ESRRG: variants seen among roughly 807,000 people sequenced by gnomAD.
ESRRG encodes the protein estrogen-related receptor gamma.
A neutral mutation model predicts 44.0 loss-of-function variants in ESRRG; 13 were observed. The ratio of observed to expected loss-of-function variants is 0.30; its 90% CI spans 0.19 to 0.47. ESRRG has a LOEUF of 0.47. Ranked by LOEUF, ESRRG falls within the 20% of genes least tolerant of loss-of-function variation. The pLI, the probability that ESRRG is intolerant of heterozygous loss-of-function variation, is 1.00. For synonymous variants in ESRRG, 215 were observed against 214.6 expected (o/e 1.00, Z -0.02); for missense variants, 395 against 580.6 (o/e 0.68, Z 3.29).
intron 3 of ESRRG, among the ~76,000 whole-genome samples, chr1:216,615,924 G>T (rs986467722): frequency 6.6e-6 from 1 of 152,066 alleles, no homozygotes; most frequent in Non-Finnish European, 1.5e-5. Context: ...GACCTCAGGA[G>T]ATCTGCCCGC....
At chr1:216,953,026 C>A (rs1473013463) in intron 1 of ESRRG, among the ~76,000 whole-genome samples, 1 of 152,126 alleles carries the variant, frequency 6.6e-6, no homozygotes, top group Non-Finnish European at 1.5e-5. Flanking sequence ...CACACCAAAC[C>A]ACAGAGGCAC....
intron 2 of ESRRG, among the ~76,000 whole-genome samples, chr1:216,882,650 A>G (rs980071162): frequency 3.3e-5 from 5 of 152,202 alleles, no homozygotes; most frequent in African/African-American, 1.2e-4. Flanking sequence ...TTTCAACTGT[A>G]TTTGGAAATA....
At chr1:216,579,303 A>G (rs2062278948) in intron 3 of ESRRG, among the ~76,000 whole-genome samples, 1 of 152,158 alleles carries the variant, frequency 6.6e-6, no homozygotes, top group Non-Finnish European at 1.5e-5. Flanking sequence ...GATCCACTCC[A>G]GATTCACATT....
chr1:217,081,714 G>T (rs1237545060), intron 1 of ESRRG, among the ~76,000 whole-genome samples: 1 of 152,138 alleles, frequency 6.6e-6, no homozygotes, highest in African/African-American at 2.4e-5. Context: ...AAGTAGCTGG[G>T]ATTACAGGTG....
chr1:216,564,958 A>ATT (rs1217254622), intron 4 of ESRRG, among the ~76,000 whole-genome samples: 3 of 151,950 alleles, frequency 2.0e-5, no homozygotes, highest in African/African-American at 4.8e-5. Flanking sequence ...ATAGGAATTT[A>ATT]TTTTTTTCTC....
chr1:216,989,101 A>G (rs17044788), intron 1 of ESRRG, among the ~76,000 whole-genome samples: 38,779 of 151,972 alleles, frequency 0.26, 5,328 homozygotes, highest in African/African-American at 0.33. Flanking sequence ...TGAATATTCT[A>G]GAGTGGGTAA....
intron 1 of ESRRG, among the ~76,000 whole-genome samples, chr1:217,006,274 A>G (rs1298219992): frequency 2.0e-5 from 3 of 152,166 alleles, no homozygotes; most frequent in Admixed American, 2.0e-4. Flanking sequence ...TAGGTAATAT[A>G]AAGACCCATA....
In ESRRG at chr1:216,805,537, G is replaced by A. The variant is rs552880462; in HGVS notation, c.-13-128046C>T. Among the ~76,000 whole-genome samples the A allele has an allele frequency of 3.6e-4, 55 of 152,210 alleles. No homozygotes were observed. In the South Asian group the frequency reaches 6.6e-3, roughly 18 times the overall value. On this transcript the variant is annotated intron_variant, in intron 2 of 7. Coordinates refer to the ESRRG transcript ENST00000359162. ...GCGGGTCACAAGTGAAATTCCCTTC[G>A]TTGCCAATTGAGATTGACATGTGCT...
intron 5 of ESRRG, among the ~76,000 whole-genome samples, chr1:216,530,137 G>C (rs997984118): frequency 1.4e-5 from 2 of 141,700 alleles, no homozygotes; most frequent in African/African-American, 5.6e-5. Flanking sequence ...AAAAAAAGGG[G>C]GTGGGGGAAA....
At chr1:216,569,337 C>T (rs1020242824) in intron 3 of ESRRG, among the ~76,000 whole-genome samples, 7 of 151,772 alleles carry the variant, frequency 4.6e-5, no homozygotes, top group African/African-American at 1.7e-4. Context: ...GCTTGGATGT[C>T]GAAGGAAGTG....
At chr1:217,042,505 C>T (rs997462629) in intron 1 of ESRRG, among the ~76,000 whole-genome samples, 2 of 121,592 alleles carry the variant, frequency 1.6e-5, no homozygotes, top group Admixed American at 1.6e-4. Context: ...CACACACACA[C>T]ACACACACAC....
At chr1:216,765,721 G>A (rs2093040049) in intron 2 of ESRRG, among the ~76,000 whole-genome samples, 1 of 152,092 alleles carries the variant, frequency 6.6e-6, no homozygotes, top group African/African-American at 2.4e-5. Context: ...GGGATCTGGA[G>A]AGAGACAAGA....
intron 1 of ESRRG, among the ~76,000 whole-genome samples, chr1:216,700,353 T>C (rs950564940): frequency 3.3e-5 from 5 of 152,152 alleles, no homozygotes; most frequent in African/African-American, 1.2e-4. Flanking sequence ...CCGTGACAAA[T>C]TAAGTACTTT....
intron 3 of ESRRG, among the ~76,000 whole-genome samples, chr1:216,620,677 G>A (rs950604072): frequency 3.9e-5 from 6 of 152,138 alleles, no homozygotes; most frequent in African/African-American, 1.2e-4. Context: ...TCATTTATAT[G>A]TGACCCAGGA....
At chr1:216,905,716 C>G (rs541770996) in intron 2 of ESRRG, among the ~76,000 whole-genome samples, 1 of 152,198 alleles carries the variant, frequency 6.6e-6, no homozygotes, top group South Asian at 2.1e-4. Context: ...TTACAAAATA[C>G]TAATATACCT....
At chr1:217,110,746 A>C (rs1322835898) in intron 1 of ESRRG, among the ~76,000 whole-genome samples, 1 of 152,156 alleles carries the variant, frequency 6.6e-6, no homozygotes, top group African/African-American at 2.4e-5. Context: ...CCAGGATCCA[A>C]ACACATCCCA....
chr1:217,078,988 T>G (rs2091542069), intron 1 of ESRRG, among the ~76,000 whole-genome samples: 1 of 152,162 alleles, frequency 6.6e-6, no homozygotes, highest in Non-Finnish European at 1.5e-5. Flanking sequence ...ATAGAGATGT[T>G]AGGAACAGAC....
chr1:216,964,404 C>G (rs150330061), intron 1 of ESRRG, among the ~76,000 whole-genome samples: 1 of 152,234 alleles, frequency 6.6e-6, no homozygotes, highest in East Asian at 1.9e-4. Context: ...ACCCCCATCC[C>G]CAAAGGACAC....
intron 2 of ESRRG, among the ~76,000 whole-genome samples, chr1:216,853,516 T>C (rs10779283): frequency 0.23 from 34,710 of 152,138 alleles, 4,187 homozygotes; most frequent in African/African-American, 0.29. Flanking sequence ...AGCTCCTCCA[T>C]TTTTCTGTTC....
Sources: allele counts gnomAD v4.1 joint callset (sites outside exome capture counted in the v4.1 genomes callset), GRCh38; gene constraint gnomAD v4.1.1; transcripts MANE v1.5; gene names NCBI Gene and HGNC (gene_info 2026-07-23, HGNC 2026-07-21).